The following USP34 variants were observed in gnomAD, a reference collection of about 807,000 sequenced individuals.
USP34 encodes ubiquitin carboxyl-terminal hydrolase 34.
In USP34, 70 loss-of-function variants were observed where a neutral mutation model predicts 460.3. That is an observed-to-expected ratio of 0.15 (90% CI 0.13 to 0.19). USP34 has a LOEUF of 0.19. USP34 is among the 10% of genes least tolerant of loss of function. The probability of loss-of-function intolerance (pLI) is 1.00; values close to 1 mark genes in which losing one functional copy is unlikely to be tolerated. For missense variants in USP34, 3,985 were observed against 4,236.2 expected, an observed-to-expected ratio of 0.94 and a Z score of 1.65; for synonymous variants, 1,647 against 1,405.3, an observed-to-expected ratio of 1.17 and a Z score of -3.85.
At chr2:61,457,019 T>C (rs1163494113) in intron 1 of USP34, among the ~76,000 whole-genome samples, 2 of 150,988 alleles carry the variant, frequency 1.3e-5, no homozygotes, top group Non-Finnish European at 3.0e-5. Flanking sequence ...CTCACACCTG[T>C]AACCCCAGCA....
intron 1 of USP34, among the ~76,000 whole-genome samples, chr2:61,433,519 A>AACTACT (rs1449290874): frequency 1.3e-5 from 2 of 152,118 alleles, no homozygotes; most frequent in Non-Finnish European, 2.9e-5. Flanking sequence ...CTGTAATCCC[A>AACTACT]ACTACTGAGG....
chr2:61,296,713 T>C, intron 30 of USP34, 87 bp downstream of exon 30: 6 of 1,366,108 alleles, frequency 4.4e-6, no homozygotes, highest in Non-Finnish European at 5.9e-6. Flanking sequence ...TTACTGAGGG[T>C]ACATCAACAG....
At chr2:61,219,516 C>CAA (rs1687497127) in intron 67 of USP34, among the ~76,000 whole-genome samples, 1 of 151,980 alleles carries the variant, frequency 6.6e-6, no homozygotes, top group Admixed American at 6.6e-5. Context: ...ACTAAAAATA[C>CAA]AAAAATTAGC....
intron 51 of USP34, among the ~76,000 whole-genome samples, chr2:61,243,294 C>T (rs1385598208): frequency 6.6e-6 from 1 of 151,968 alleles, no homozygotes; most frequent in Non-Finnish European, 1.5e-5. Context: ...CTACAGGCAC[C>T]CGCCACCACG....
At chr2:61,205,849 A>G (rs958876103) in intron 72 of USP34, among the ~76,000 whole-genome samples, 168 bp downstream of exon 72, 4 of 152,212 alleles carry the variant, frequency 2.6e-5, no homozygotes, top group African/African-American at 9.6e-5. Context: ...TGTAATTATG[A>G]GCCAGTTAAG....
At chr2:61,332,071 G>A (rs1456705787) in intron 19 of USP34, among the ~76,000 whole-genome samples, 16 of 151,936 alleles carry the variant, frequency 1.1e-4, no homozygotes. Flanking sequence ...CTAAATAAAG[G>A]TCAAGTGGTA....
chr2:61,284,348 G>T (rs1341837030), intron 35 of USP34, among the ~76,000 whole-genome samples: 1 of 151,986 alleles, frequency 6.6e-6, no homozygotes, highest in Non-Finnish European at 1.5e-5. Context: ...AAAATAACTG[G>T]CCTGCATTAC....
chr2:61,363,620 T>C (rs2103818652), intron 10 of USP34, among the ~76,000 whole-genome samples: 1 of 152,340 alleles, frequency 6.6e-6, no homozygotes, highest in East Asian at 1.9e-4. Flanking sequence ...CAAATTATAA[T>C]AAGCTCCATT....
intron 2 of USP34, among the ~76,000 whole-genome samples, chr2:61,409,532 C>T (rs530599843): frequency 1.3e-5 from 2 of 151,958 alleles, no homozygotes; most frequent in African/African-American, 4.8e-5. Context: ...TGGCCAACAT[C>T]GTGAAACCCC....
rs1174943370 is a variant in USP34, at chr2:61,187,868, T to C, written c.*234A>G. 1 of 1,337,904 alleles carries C rather than the reference T, an allele frequency of 7.5e-7. No homozygotes were observed. Among genetic ancestry groups the C allele is most frequent in the Admixed American group, 3.6e-5 (1 of 27,512 alleles). The allele number at this position is 1,337,904 out of a possible 1,614,324, so 82.9% of individuals were successfully genotyped here. On this transcript the variant is annotated 3_prime_UTR_variant, in exon 80 of 80. Transcript: ENST00000398571. The stretch of plus-strand genomic sequence containing the variant: ...AAATGAAAGCCACTAAAGTGAACTC[T>C]TAATTACATAAAACATATCCATTAT...
At chr2:61,247,799 A>G (rs911346499) in intron 49 of USP34, among the ~76,000 whole-genome samples, 47 of 152,258 alleles carry the variant, frequency 3.1e-4, no homozygotes, top group African/African-American at 1.0e-3. Flanking sequence ...CCTACAACTT[A>G]TTTTTATTTT....
At chr2:61,421,793 A>G (rs1238961409) in intron 1 of USP34, among the ~76,000 whole-genome samples, 39 of 147,272 alleles carry the variant, frequency 2.6e-4, no homozygotes, top group Middle Eastern at 6.9e-3. Flanking sequence ...ACACACACAC[A>G]CACACGCGCG....
intron 1 of USP34, among the ~76,000 whole-genome samples, chr2:61,461,237 A>T (rs1216156230): frequency 6.6e-6 from 1 of 151,740 alleles, no homozygotes; most frequent in Non-Finnish European, 1.5e-5. Context: ...CTAAAAATGC[A>T]AAAGAATTAG....
chr2:61,243,030 G>C (rs543778253), intron 51 of USP34, among the ~76,000 whole-genome samples: 47 of 152,096 alleles, frequency 3.1e-4, no homozygotes, highest in Non-Finnish European at 6.0e-4. Flanking sequence ...GTTTTTAGTA[G>C]ACATGGGGTT....
chr2:61,466,087 T>C (rs900976603), intron 1 of USP34, among the ~76,000 whole-genome samples: 6 of 151,888 alleles, frequency 4.0e-5, no homozygotes, highest in African/African-American at 1.5e-4. Context: ...TACAGTGAGA[T>C]AGAAGGAATA....
intron 8 of USP34, among the ~76,000 whole-genome samples, chr2:61,371,736 C>T (rs1692635612): frequency 6.6e-6 from 1 of 152,162 alleles, no homozygotes; most frequent in Non-Finnish European, 1.5e-5. Context: ...GATCACTCAC[C>T]AACTCACCCA....
chr2:61,220,168 A>G, intron 67 of USP34, 142 bp downstream of exon 67: 1 of 449,262 alleles, frequency 2.2e-6, no homozygotes, highest in Non-Finnish European at 3.4e-6. Flanking sequence ...AAAAAAAAAA[A>G]AAAAAAAAAA....
chr2:61,386,042 T>C (rs554989113), intron 5 of USP34, among the ~76,000 whole-genome samples: 20 of 151,654 alleles, frequency 1.3e-4, no homozygotes, highest in Non-Finnish European at 1.8e-4. Context: ...TAGTACTTGC[T>C]TTCCCAGAGA....
chr2:61,370,045 T>C (rs1291855731), intron 10 of USP34, among the ~76,000 whole-genome samples: 1 of 144,782 alleles, frequency 6.9e-6, no homozygotes, highest in Admixed American at 6.9e-5. Flanking sequence ...TAATTCAGGA[T>C]AGAAGGGTAG....
Sources: gnomAD v4.1 joint callset for allele counts (sites outside exome capture counted in the v4.1 genomes callset) on GRCh38, gnomAD v4.1.1 for gene constraint, MANE v1.5 for transcripts, NCBI Gene and HGNC (gene_info 2026-07-23, HGNC 2026-07-21) for gene names.